OTUD7B: variants seen among roughly 807,000 people sequenced by gnomAD.
The protein encoded by OTUD7B is OTU deubiquitinase 7B, also known as OTU domain-containing protein 7B.
OTUD7B carries 34 observed loss-of-function variants against 82.2 expected under a neutral mutation model. The observed-to-expected ratio is 0.41, with a 90% CI of 0.31 to 0.55. The LOEUF (loss-of-function observed/expected upper bound fraction) is 0.55, where lower values mean the gene tolerates loss of function less well. Ranked by LOEUF, OTUD7B falls within the 20% of genes least tolerant of loss-of-function variation. The probability of loss-of-function intolerance (pLI) is 0.20; values close to 1 mark genes in which losing one functional copy is unlikely to be tolerated. For missense variants in OTUD7B, 944 were observed against 1,062.1 expected (o/e 0.89, Z 1.55); for synonymous variants, 398 against 402.7 (o/e 0.99, Z 0.14).
chr1:150,031,595 GCA>G, the OTUD7B span, among the ~76,000 whole-genome samples: 115 of 152,088 alleles, frequency 7.6e-4, no homozygotes, highest in Non-Finnish European at 1.4e-3. Context: ...AAAATAAAAA[GCA>G]CACACACACA....
chr1:150,006,891 T>C (rs1239783737), intron 1 of OTUD7B, among the ~76,000 whole-genome samples: 1 of 152,222 alleles, frequency 6.6e-6, no homozygotes, highest in African/African-American at 2.4e-5. Flanking sequence ...AGTCACAATG[T>C]ACGGATGCCT....
chr1:149,996,193 T>C (rs1453933817), intron 1 of OTUD7B, among the ~76,000 whole-genome samples: 1 of 152,200 alleles, frequency 6.6e-6, no homozygotes, highest in African/African-American at 2.4e-5. Context: ...CTCCTAGTTC[T>C]CAAAGCACAA....
In OTUD7B at chr1:149,990,913, C is replaced by T. The variant is rs1401597166; in HGVS notation, c.-66-13337G>A. On this transcript the variant is annotated intron_variant, in intron 1 of 11. Transcript: ENST00000581312. ...GGCTGAGACAGGAGAATCGCTTGTA[C>T]CTGGGAGGCAGAGGTTGCAGTGAGC... 2.0e-5 allele frequency among the ~76,000 whole-genome samples: 3 copies of T among 152,040 alleles called. No individual in the cohort carries two copies. In the East Asian group the frequency reaches 5.8e-4, roughly 29 times the overall value.
At chr1:150,014,697 C>CA (rs1339336586), upstream of OTUD7B, among the ~76,000 whole-genome samples, 3 of 151,902 alleles carry the variant, frequency 2.0e-5, no homozygotes, top group East Asian at 1.9e-4. Flanking sequence ...ATTTGTGGTG[C>CA]AAAAAAAGCC....
the OTUD7B span, among the ~76,000 whole-genome samples, chr1:150,042,110 C>A: frequency 1.4e-5 from 1 of 73,940 alleles, no homozygotes; most frequent in African/African-American, 5.6e-5. Flanking sequence ...GCAGACCCTC[C>A]CTCCCTCCCT....
intron 1 of OTUD7B, among the ~76,000 whole-genome samples, chr1:149,981,610 CCAAA>C (rs71750545): frequency 0.096 from 14,622 of 152,054 alleles, 941 homozygotes; most frequent in African/African-American, 0.19. Flanking sequence ...TTGTTATGAG[CCAAA>C]CAGTGGCCTT....
At chr1:149,974,863 T>G (rs1254692645) in intron 2 of OTUD7B, among the ~76,000 whole-genome samples, 1 of 1,112 alleles carries the variant, frequency 9.0e-4, no homozygotes, top group East Asian at 0.017. Context: ...TTCTTTTTCT[T>G]TCTTTTTTTT....
the OTUD7B span, among the ~76,000 whole-genome samples, chr1:150,059,053 CTTTT>C: frequency 2.4e-5 from 3 of 125,474 alleles, no homozygotes; most frequent in Admixed American, 8.0e-5. Flanking sequence ...ACTTTCTTTT[CTTTT>C]TTTTTTTTTT....
chr1:150,057,469 T>C, the OTUD7B span, among the ~76,000 whole-genome samples: 6 of 152,320 alleles, frequency 3.9e-5, no homozygotes, highest in South Asian at 1.0e-3. Context: ...AGAGGCCAAA[T>C]TGGTAAGTTC....
the OTUD7B span, among the ~76,000 whole-genome samples, chr1:150,021,195 T>C: frequency 6.6e-6 from 1 of 152,210 alleles, no homozygotes; most frequent in Non-Finnish European, 1.5e-5. Flanking sequence ...CTTCGGGTCA[T>C]ATACTTCTAG....
intron 1 of OTUD7B, among the ~76,000 whole-genome samples, chr1:149,991,415 A>C (rs1476885933): frequency 6.6e-6 from 1 of 152,212 alleles, no homozygotes; most frequent in African/African-American, 2.4e-5. Flanking sequence ...CAAGCATATA[A>C]CACAATCTGA....
At chr1:150,015,072 A>G (rs75676468), upstream of OTUD7B, among the ~76,000 whole-genome samples, 136 of 152,340 alleles carry the variant, frequency 8.9e-4, no homozygotes, top group African/African-American at 3.1e-3. Context: ...CTAGCATAGT[A>G]TCTGACCCAC....
upstream of OTUD7B, among the ~76,000 whole-genome samples, chr1:150,011,670 T>A (rs1309393426): frequency 6.6e-6 from 1 of 152,218 alleles, no homozygotes; most frequent in East Asian, 1.9e-4. Flanking sequence ...TACCTCTTTA[T>A]GACAAACACA....
At chr1:150,002,203 A>G (rs1268306397) in intron 1 of OTUD7B, among the ~76,000 whole-genome samples, 2 of 32,456 alleles carry the variant, frequency 6.2e-5, no homozygotes, top group Non-Finnish European at 1.1e-4. Context: ...TTTTGTTTAG[A>G]TATTCTTTTT....
At chr1:149,957,670 G>A (rs1188555174) in intron 7 of OTUD7B, among the ~76,000 whole-genome samples, 3 of 152,212 alleles carry the variant, frequency 2.0e-5, no homozygotes, top group African/African-American at 7.2e-5. Context: ...TCCTTGAGCT[G>A]CAGTGGGCTC....
chr1:149,947,100 G>A (rs1318824960), intron 11 of OTUD7B, 151 bp downstream of exon 11: 2 of 481,534 alleles, frequency 4.2e-6, no homozygotes, highest in Non-Finnish European at 7.8e-6. Flanking sequence ...ATTGTCTTTG[G>A]AACTTATCTG....
chr1:150,062,708 C>CTTTTTTTTTTTTT, the OTUD7B span, among the ~76,000 whole-genome samples: 7 of 96,054 alleles, frequency 7.3e-5, no homozygotes, highest in Admixed American at 1.4e-4. Flanking sequence ...CTTCTTCTTT[C>CTTTTTTTTTTTTT]TTTTTTTTTT....
intron 1 of OTUD7B, among the ~76,000 whole-genome samples, chr1:150,007,044 C>T (rs904129894): frequency 3.3e-5 from 5 of 152,210 alleles, no homozygotes; most frequent in Admixed American, 3.3e-4. Flanking sequence ...CCCCTCCACC[C>T]TCTTGCCTGC....
intron 1 of OTUD7B, among the ~76,000 whole-genome samples, chr1:150,003,029 T>G (rs1331280890): frequency 1.3e-5 from 2 of 152,018 alleles, no homozygotes; most frequent in African/African-American, 4.8e-5. Flanking sequence ...GGCGGGCGGA[T>G]CGCGAGGTCA....
Sources: gnomAD v4.1 joint callset for allele counts (sites outside exome capture counted in the v4.1 genomes callset) on GRCh38, gnomAD v4.1.1 for gene constraint, MANE v1.5 for transcripts, NCBI Gene and HGNC (gene_info 2026-07-23, HGNC 2026-07-21) for gene names.